Variants in GABRP observed in about 807,000 individuals in gnomAD.
The protein encoded by GABRP is gamma-aminobutyric acid receptor subunit pi.
In GABRP, 52 loss-of-function variants were observed where a neutral mutation model predicts 47.8. The ratio of observed to expected loss-of-function variants is 1.09; its 90% confidence interval spans 0.87 to 1.37. GABRP has a LOEUF of 1.37. Among genes scored for constraint, GABRP ranks in the 40% most tolerant of loss-of-function variants. GABRP has a pLI of 0.00. For missense variants in GABRP, 525 were observed against 542.8 expected (o/e 0.97, Z 0.33); for synonymous variants, 221 against 205.8 (o/e 1.07, Z -0.63).
At chr5:170,791,478 G>A (rs754007712) in intron 3 of GABRP, among the ~76,000 whole-genome samples, 12 of 152,228 alleles carry the variant, frequency 7.9e-5, no homozygotes, top group African/African-American at 1.2e-4. Flanking sequence ...GCAAAGGTTT[G>A]TAAGCAGGCA....
At position 170,799,502 on chromosome 5, in the gene GABRP, G is replaced by A. The variant is rs144013299; in HGVS notation, c.541+1954G>A. 4.2e-3 allele frequency among the ~76,000 whole-genome samples: 636 copies of A among 152,238 alleles called. 6 individuals are homozygous for A. The highest frequency in any genetic ancestry group is 0.015 in the African/African-American group (607 of 41,546). ...CTGCTATGAGATGATATCTCCTTGT[G>A]GTTTTGATTTGCATTTCTCTGATGG... On this transcript the variant is annotated intron_variant, in intron 6 of 9. Coordinates refer to ENST00000265294, the MANE Select transcript of GABRP (RefSeq NM_014211.3).
chr5:170,802,402 A>G (rs1027331725), intron 6 of GABRP, among the ~76,000 whole-genome samples: 3 of 152,228 alleles, frequency 2.0e-5, no homozygotes, highest in Non-Finnish European at 4.4e-5. Flanking sequence ...TGAGAAGCAC[A>G]GCCATTATGA....
At position 170,812,527 on chromosome 5, in the gene GABRP, T is replaced by C. The variant is rs1765916354; in HGVS notation, c.*269T>C. ...TTCCCATGGAGCCCAAGATTACAAA[T>C]GTACTCAGGGCTGTTTATTCGGTGG... On this transcript the variant is annotated 3_prime_UTR_variant, in exon 10 of 10. Transcript: ENST00000265294. 4.8e-6 allele frequency: 2 copies of C among 413,586 alleles called. No homozygotes were observed. The highest frequency in any genetic ancestry group is 8.8e-6 in the Non-Finnish European group (2 of 228,530). The allele number at this position is 413,586 out of a possible 1,614,324, so 25.6% of individuals were successfully genotyped here.
intron 4 of GABRP, 144 bp downstream of exon 4, chr5:170,794,442 T>C: frequency 2.2e-6 from 1 of 460,382 alleles, no homozygotes; most frequent in Non-Finnish European, 3.8e-6. Context: ...GAAGCTGGAG[T>C]GCTATCTCCA....
chr5:170,794,716 C>T (rs551424444), intron 4 of GABRP, among the ~76,000 whole-genome samples: 8 of 152,168 alleles, frequency 5.3e-5, no homozygotes, highest in South Asian at 2.1e-4. Context: ...ATGCTGACAA[C>T]GACTGTCTCC....
In GABRP at chr5:170,796,162, C is replaced by A. The variant is rs1201987591; in HGVS notation, c.458+737C>A. On this transcript the variant is annotated intron_variant, in intron 5 of 9. Transcript: ENST00000265294. ...AATATTCATGGGGCTGATGTTTAAT[C>A]TTAAGTAAGAGTCTAAAGTTATAAA... Among the ~76,000 whole-genome samples the A allele has an allele frequency of 6.6e-5, 10 of 152,204 alleles. No individual in the cohort carries two copies. In the South Asian group the frequency reaches 2.1e-3, roughly 32 times the overall value.
chr5:170,794,399 A>G, intron 4 of GABRP, 101 bp downstream of exon 4: 1 of 605,240 alleles, frequency 1.7e-6, no homozygotes, highest in Non-Finnish European at 2.7e-6. Context: ...AAAAAAAAGA[A>G]TGGCTCATGG....
intron 7 of GABRP, among the ~76,000 whole-genome samples, chr5:170,806,458 T>A (rs1765737984): frequency 6.6e-6 from 1 of 152,252 alleles, no homozygotes. Flanking sequence ...TATTTTATTT[T>A]ATTTAATTGA....
rs1282342546 is a variant in GABRP, at chr5:170,795,118, G to A, written c.241-90G>A. The A allele has an allele frequency of 4.6e-6, 4 of 861,874 alleles. No individual in the cohort carries two copies. The African/African-American group carries it at 5.0e-5, about 11-fold the overall frequency. The allele number at this position is 861,874 out of a possible 1,614,324, so 53.4% of individuals were successfully genotyped here. A position where few individuals can be genotyped will look rare whatever the true frequency, so the allele number is the denominator to read the frequency against. Reference sequence around the variant, plus strand: ...TCTTGCTCTAAGTGGAGGTGGGGAGGGGAGTAAACTTTGACCACTTTCCTC... The same window carrying A: ...TCTTGCTCTAAGTGGAGGTGGGGAGAGGAGTAAACTTTGACCACTTTCCTC... On this transcript the variant is annotated intron_variant, in intron 4 of 9. Transcript: ENST00000265294.
Position 170,805,807 on chromosome 5 carries a change from C to T in GABRP, c.633C>T (p.Thr211=), listed in dbSNP as rs1432044748. Reference sequence around the variant, plus strand: ...AACACCTGCGGCTTGCTCAGTACACCATAGAGCGGTATTTCACCTTAGTCA... The same window carrying T: ...AACACCTGCGGCTTGCTCAGTACACTATAGAGCGGTATTTCACCTTAGTCA... ...GLEHLRLAQY[T]IERYFTLVTR... The change falls in exon 7 of 10, where the codon ACC becomes ACT. Residue 211 remains threonine, a synonymous_variant. Transcript: ENST00000265294. 6 of 1,614,116 alleles carry T rather than the reference C, an allele frequency of 3.7e-6. No homozygotes were observed. In the Admixed American group the frequency reaches 8.3e-5, roughly 22 times the overall value.
At chr5:170,788,378 A>AC (rs1765179045) in intron 1 of GABRP, 196 bp from the exon 2 acceptor site, 1 of 422,874 alleles carries the variant, frequency 2.4e-6, no homozygotes, top group African/African-American at 2.1e-5. Flanking sequence ...AAAAAAAAAA[A>AC]CATAATCCTC....
intron 6 of GABRP, among the ~76,000 whole-genome samples, chr5:170,802,938 A>C (rs1171420324): frequency 6.6e-6 from 1 of 152,228 alleles, no homozygotes; most frequent in Non-Finnish European, 1.5e-5. Context: ...CATCTCTAGA[A>C]AAGAACTGAT....
intron 6 of GABRP, 115 bp downstream of exon 6, chr5:170,797,663 G>A (rs190172364): frequency 1.1e-3 from 752 of 687,190 alleles, no homozygotes; most frequent in Non-Finnish European, 1.5e-3. Context: ...TTGATTCATC[G>A]TGGATTCAGC....
At chr5:170,805,893 A>T in intron 7 of GABRP, 40 bp downstream of exon 7, 1 of 1,606,384 alleles carries the variant, frequency 6.2e-7, no homozygotes, top group South Asian at 1.1e-5. Flanking sequence ...AAAATAAGTG[A>T]ACTGAGGTGT....
intron 6 of GABRP, 51 bp from the exon 7 acceptor site, chr5:170,805,665 G>A (rs1765713484): frequency 1.2e-6 from 2 of 1,606,118 alleles, no homozygotes; most frequent in African/African-American, 1.3e-5. Context: ...GACCAGACCA[G>A]TTCAATCTGG....
At position 170,797,457 on chromosome 5, in the gene GABRP, C is replaced by T; in HGVS notation, c.459-9C>T. On this transcript the variant is annotated splice_polypyrimidine_tract_variant and intron_variant, in intron 5 of 9. Coordinates refer to ENST00000265294, the MANE Select transcript of GABRP (RefSeq NM_014211.3). ...CAATACTGTTTTTGAACCTGTTTTT[C>T]CCTCTTAGAATCACGACAACTGTTG... 1 of 1,584,570 alleles carries T rather than the reference C, an allele frequency of 6.3e-7. No homozygotes were observed. The highest frequency in any genetic ancestry group is 1.1e-5 in the South Asian group (1 of 90,404).
intron 7 of GABRP, 140 bp downstream of exon 7, chr5:170,805,993 T>TTCCACC: frequency 1.2e-6 from 1 of 866,600 alleles, no homozygotes; most frequent in East Asian, 2.7e-5. Context: ...TGCTGAGCAA[T>TTCCACC]TCCACCTCCT....
intron 5 of GABRP, among the ~76,000 whole-genome samples, chr5:170,796,528 C>G (rs1201695832): frequency 2.1e-4 from 32 of 152,216 alleles, no homozygotes; most frequent in Admixed American, 1.9e-3. Flanking sequence ...AGTCCCTGCT[C>G]TGTCCCTCAG....
intron 1 of GABRP, among the ~76,000 whole-genome samples, chr5:170,784,449 C>T (rs1428582276): frequency 6.6e-6 from 1 of 151,898 alleles, no homozygotes; most frequent in Non-Finnish European, 1.5e-5. Context: ...AGTATAGAAG[C>T]CCAGTAGGCC....
Sources: allele counts gnomAD v4.1 joint callset (sites outside exome capture counted in the v4.1 genomes callset), GRCh38; gene constraint gnomAD v4.1.1; transcripts MANE v1.5; gene names NCBI Gene and HGNC (gene_info 2026-07-23, HGNC 2026-07-21).